Variants in PLD5 observed in about 807,000 individuals in gnomAD.
PLD5 encodes the protein inactive phospholipase D5.
In PLD5, 36 loss-of-function variants were observed where a neutral mutation model predicts 61.1. The ratio of observed to expected loss-of-function variants is 0.59; its 90% confidence interval spans 0.45 to 0.78. The LOEUF (loss-of-function observed/expected upper bound fraction) is 0.78. Among genes scored for constraint, PLD5 ranks in the 30% least tolerant of loss-of-function variants. PLD5 has a pLI of 0.00. For missense variants in PLD5, 515 were observed against 644.4 expected, an observed-to-expected ratio of 0.80 and a Z score of 2.17; for synonymous variants, 243 against 242.8, an observed-to-expected ratio of 1.00 and a Z score of -0.01.
Position 242,270,091 on chromosome 1 carries a change from A to G in PLD5, c.496-4643T>C, listed in dbSNP as rs200570489. Reference sequence around the variant, plus strand: ...ACAGAAACCCAAAGTCATGTTAGAGAAACTTAATTCTGAGGCTTATGTAGA... The same window carrying G: ...ACAGAAACCCAAAGTCATGTTAGAGGAACTTAATTCTGAGGCTTATGTAGA... On this transcript the variant is annotated intron_variant, in intron 3 of 9. Coordinates refer to ENST00000536534, the MANE Select transcript of PLD5 (RefSeq NM_001372062.1). Among the ~76,000 whole-genome samples, 1,142 of 151,646 alleles carry G rather than the reference A, an allele frequency of 7.5e-3. 43 individuals are homozygous for G. The East Asian group carries it at 0.1, about 14-fold the overall frequency.
rs1291527299 is a variant in PLD5, at chr1:242,318,705, G to A, written c.326+29401C>T. Among the ~76,000 whole-genome samples the A allele has an allele frequency of 3.3e-5, 5 of 151,030 alleles. No individual in the cohort carries two copies. The South Asian group carries it at 6.3e-4, about 19-fold the overall frequency. On this transcript the variant is annotated intron_variant, in intron 2 of 9. Transcript: ENST00000536534. ...GGTCTCTCACTATGTTGCCCAGGCC[G>A]TCCTTAACTCCTAGGCTCAAGTGAT... is the stretch of plus-strand genomic sequence containing the variant.
At chr1:242,380,873 G>A (rs1457543255) in intron 1 of PLD5, among the ~76,000 whole-genome samples, 1 of 152,130 alleles carries the variant, frequency 6.6e-6, no homozygotes, top group Non-Finnish European at 1.5e-5. Context: ...AGTCAGAATG[G>A]CGATTATTAA....
chr1:242,240,794 CA>C (rs1465152328), intron 4 of PLD5, among the ~76,000 whole-genome samples: 14 of 152,254 alleles, frequency 9.2e-5, no homozygotes, highest in Non-Finnish European at 1.8e-4. Flanking sequence ...TCGTATGTGA[CA>C]AAGGAAGAAA....
chr1:242,161,798 A>ATATT (rs1226804017), intron 5 of PLD5, among the ~76,000 whole-genome samples: 5 of 152,284 alleles, frequency 3.3e-5, no homozygotes, highest in Admixed American at 3.3e-4. Flanking sequence ...TGTTAGAAAT[A>ATATT]TATTTGGTGC....
Position 242,183,456 on chromosome 1 carries a change from G to T in PLD5, c.735+36532C>A, listed in dbSNP as rs1415239480. 3.3e-5 allele frequency among the ~76,000 whole-genome samples: 5 copies of T among 152,126 alleles called. No homozygotes were observed. The East Asian group carries it at 9.6e-4, about 29-fold the overall frequency. On this transcript the variant is annotated intron_variant, in intron 5 of 9. Transcript: ENST00000536534. ...GCCGGTCATGGTGCTTCCAAAAAGA[G>T]GAAATAAAGAGAGTAAGGGGAAAAG...
rs74150728 is a variant in PLD5 at position 242,466,335 on chromosome 1, C to T, written c.189+57753G>A. On this transcript the variant is annotated intron_variant, in intron 1 of 9. Coordinates refer to ENST00000536534, the MANE Select transcript of PLD5 (RefSeq NM_001372062.1). Reference sequence around the variant, plus strand: ...TTTACTGAATAGAACTGTAGAAAAACGGACCATCAAGATACTCAACAGATT... The same window carrying T: ...TTTACTGAATAGAACTGTAGAAAAATGGACCATCAAGATACTCAACAGATT... Among the ~76,000 whole-genome samples the T allele has an allele frequency of 3.6e-3, 543 of 152,072 alleles. 3 individuals are homozygous for T. The highest frequency in any genetic ancestry group is 0.012 in the African/African-American group (495 of 41,480).
intron 5 of PLD5, among the ~76,000 whole-genome samples, chr1:242,212,614 G>T (rs1163333471): frequency 6.6e-6 from 1 of 151,954 alleles, no homozygotes; most frequent in Non-Finnish European, 1.5e-5. Context: ...GCCAGGCAGC[G>T]GGGTGGAGGA....
intron 5 of PLD5, among the ~76,000 whole-genome samples, chr1:242,212,522 G>A (rs2148987589): frequency 6.6e-6 from 1 of 152,356 alleles, no homozygotes; most frequent in Admixed American, 6.5e-5. Flanking sequence ...GCAATGAGGA[G>A]CCAGGCCCAG....
chr1:242,100,896 T>G, intron 8 of PLD5, 114 bp from the exon 9 acceptor site: 1 of 682,456 alleles, frequency 1.5e-6, no homozygotes, highest in Non-Finnish European at 2.5e-6. Flanking sequence ...AGTTGGGTTA[T>G]GAAAGCCATA....
chr1:242,396,332 G>C (rs1663571081), intron 1 of PLD5, among the ~76,000 whole-genome samples: 2 of 152,154 alleles, frequency 1.3e-5, no homozygotes, highest in Admixed American at 1.3e-4. Flanking sequence ...AGAAAAAATT[G>C]TTGGACACTG....
At chr1:242,264,909 C>A (rs1673572690) in intron 4 of PLD5, among the ~76,000 whole-genome samples, 1 of 152,068 alleles carries the variant, frequency 6.6e-6, no homozygotes, top group South Asian at 2.1e-4. Flanking sequence ...ATGAATCAGG[C>A]AATGTTTCAT....
chr1:242,172,762 A>C (rs1408947187), intron 5 of PLD5, among the ~76,000 whole-genome samples: 1 of 152,186 alleles, frequency 6.6e-6, no homozygotes, highest in African/African-American at 2.4e-5. Flanking sequence ...CTACGCATAT[A>C]GACCAGAAAA....
intron 8 of PLD5, among the ~76,000 whole-genome samples, chr1:242,106,808 G>A (rs1015558284): frequency 6.6e-6 from 1 of 152,170 alleles, no homozygotes; most frequent in Admixed American, 6.5e-5. Context: ...TTGAATGGCT[G>A]CATGGGGGTT....
chr1:242,475,826 G>T (rs946226788), intron 1 of PLD5, among the ~76,000 whole-genome samples: 7 of 152,168 alleles, frequency 4.6e-5, no homozygotes, highest in African/African-American at 1.7e-4. Context: ...GTCTAGAAGA[G>T]TGTGTGCTCA....
chr1:242,121,417 T>A lies in PLD5; in HGVS notation c.933+3051A>T, dbSNP rs376214843. Among the ~76,000 whole-genome samples the A allele has an allele frequency of 3.3e-3, 508 of 152,338 alleles. 5 individuals are homozygous for A. The highest frequency in any genetic ancestry group is 0.012 in the African/African-American group (493 of 41,584). ...AGGGTTTTCTGACTGTTTTTGTACC[T>A]GTAGGATTTTATACCTCTCCAGAAA... On this transcript the variant is annotated intron_variant, in intron 6 of 9. Coordinates refer to ENST00000536534, the MANE Select transcript of PLD5 (RefSeq NM_001372062.1).
At chr1:242,437,184 C>T (rs1480919760) in intron 1 of PLD5, among the ~76,000 whole-genome samples, 1 of 152,286 alleles carries the variant, frequency 6.6e-6, no homozygotes, top group South Asian at 2.1e-4. Context: ...TTAGCTGGCA[C>T]TGGAGGGATA....
At chr1:242,200,690 TA>T (rs1668933979) in intron 5 of PLD5, among the ~76,000 whole-genome samples, 1 of 152,148 alleles carries the variant, frequency 6.6e-6, no homozygotes, top group African/African-American at 2.4e-5. Flanking sequence ...ACTGTGGTGT[TA>T]ACTGATGGAA....
At chr1:242,492,779 C>T (rs916148064) in intron 1 of PLD5, among the ~76,000 whole-genome samples, 1 of 152,156 alleles carries the variant, frequency 6.6e-6, no homozygotes, top group Non-Finnish European at 1.5e-5. Context: ...GGAAGACACA[C>T]ATCCTGGTTT....
chr1:242,266,462 C>T (rs1288877718), intron 3 of PLD5, among the ~76,000 whole-genome samples: 2 of 152,180 alleles, frequency 1.3e-5, no homozygotes, highest in Non-Finnish European at 2.9e-5. Flanking sequence ...CTCAGGCAGA[C>T]TGAATAACAG....
Sources: allele counts gnomAD v4.1 joint callset (sites outside exome capture counted in the v4.1 genomes callset), GRCh38; gene constraint gnomAD v4.1.1; transcripts MANE v1.5; gene names NCBI Gene and HGNC (gene_info 2026-07-23, HGNC 2026-07-21).